The following PPP2R2B variants were observed in gnomAD, a reference collection of about 807,000 sequenced individuals.
PPP2R2B encodes serine/threonine-protein phosphatase 2A 55 kDa regulatory subunit B beta isoform.
A neutral mutation model predicts 46.0 loss-of-function variants in PPP2R2B; 5 were observed. The ratio of observed to expected loss-of-function variants is 0.11; its 90% CI spans 0.06 to 0.23. The LOEUF (loss-of-function observed/expected upper bound fraction) is 0.23. Among genes scored for constraint, PPP2R2B ranks in the 10% least tolerant of loss-of-function variants. The pLI, the probability that PPP2R2B is intolerant of heterozygous loss-of-function variation, is 1.00. For missense variants in PPP2R2B, 367 were observed against 575.0 expected, an observed-to-expected ratio of 0.64 and a Z score of 3.70; for synonymous variants, 215 against 206.7, an observed-to-expected ratio of 1.04 and a Z score of -0.34.
chr5:147,005,415 A>T (rs896048505), intron 1 of PPP2R2B, among the ~76,000 whole-genome samples: 3 of 152,252 alleles, frequency 2.0e-5, no homozygotes, highest in African/African-American at 7.2e-5. Context: ...ATAAATGTGT[A>T]TACAGATAGC....
chr5:146,998,447 T>C (rs1754018491), intron 1 of PPP2R2B, among the ~76,000 whole-genome samples: 1 of 152,214 alleles, frequency 6.6e-6, no homozygotes, highest in African/African-American at 2.4e-5. Context: ...TCAGTCTGTG[T>C]CTGTTCTGTT....
intron 7 of PPP2R2B, among the ~76,000 whole-genome samples, chr5:146,623,514 T>G (rs897713642): frequency 2.6e-5 from 4 of 152,270 alleles, no homozygotes; most frequent in Non-Finnish European, 4.4e-5. Flanking sequence ...ATTGCTTTGT[T>G]TGATTTCAGT....
intron 1 of PPP2R2B, among the ~76,000 whole-genome samples, chr5:146,917,234 T>C (rs1302576326): frequency 6.6e-6 from 1 of 152,244 alleles, no homozygotes; most frequent in African/African-American, 2.4e-5. Flanking sequence ...ACACCCTGCC[T>C]GCACAGGCTG....
intron 2 of PPP2R2B, among the ~76,000 whole-genome samples, chr5:146,865,498 T>C (rs1210818772): frequency 1.3e-5 from 2 of 152,210 alleles, no homozygotes; most frequent in East Asian, 3.8e-4. Flanking sequence ...ACAGGTTTCA[T>C]ATTCATATTC....
intron 1 of PPP2R2B, among the ~76,000 whole-genome samples, chr5:147,003,163 G>T (rs1462748986): frequency 6.6e-6 from 1 of 152,098 alleles, no homozygotes; most frequent in Non-Finnish European, 1.5e-5. Flanking sequence ...ACTATGCAAA[G>T]CTTGCAATTT....
chr5:146,813,866 G>A (rs1300921352), intron 2 of PPP2R2B, among the ~76,000 whole-genome samples: 1 of 152,198 alleles, frequency 6.6e-6, no homozygotes, highest in Non-Finnish European at 1.5e-5. Context: ...GACAGAAACG[G>A]AGAGAGCAAG....
At chr5:146,798,968 T>C (rs1756702985) in intron 2 of PPP2R2B, among the ~76,000 whole-genome samples, 1 of 152,186 alleles carries the variant, frequency 6.6e-6, no homozygotes, top group African/African-American at 2.4e-5. Context: ...ACTTTGAGAA[T>C]TTATAAAACC....
intron 2 of PPP2R2B, among the ~76,000 whole-genome samples, chr5:146,766,859 G>T (rs556472359): frequency 1.3e-5 from 2 of 152,086 alleles, no homozygotes; most frequent in East Asian, 3.9e-4. Context: ...TTCAAGACCA[G>T]CCTGGCCAAT....
intron 2 of PPP2R2B, among the ~76,000 whole-genome samples, chr5:146,864,825 T>C (rs319229): frequency 0.22 from 33,332 of 152,094 alleles, 4,898 homozygotes; most frequent in African/African-American, 0.39. Flanking sequence ...CACATAAGTT[T>C]CCTAGGATAA....
At chr5:146,922,273 G>A (rs191002506) in intron 1 of PPP2R2B, 12 of 152,280 alleles carry the variant, frequency 7.9e-5, no homozygotes, top group African/African-American at 2.9e-4. Flanking sequence ...AAGTGTGCAT[G>A]ATATCAAGGA....
At chr5:146,941,043 AT>A (rs1420306102) in intron 1 of PPP2R2B, among the ~76,000 whole-genome samples, 1 of 152,170 alleles carries the variant, frequency 6.6e-6, no homozygotes, top group Non-Finnish European at 1.5e-5. Context: ...ACCTAGCACA[AT>A]CAGAAGGAAT....
At chr5:146,738,699 A>G (rs959361442) in intron 2 of PPP2R2B, among the ~76,000 whole-genome samples, 3 of 152,170 alleles carry the variant, frequency 2.0e-5, no homozygotes, top group African/African-American at 7.2e-5. Context: ...TCATGGGCAG[A>G]GAGCACCTTG....
At position 146,939,124 on chromosome 5, in the gene PPP2R2B, C is replaced by A. The variant is rs533295340; in HGVS notation, c.79+116541G>T. On this transcript the variant is annotated intron_variant, in intron 1 of 8. Coordinates refer to the PPP2R2B transcript ENST00000336640. ...TTATGAAGTAGGCTCCTGAATCTTT[C>A]CTGTCTCATCAATGAGTCTGTCCAG... Among the ~76,000 whole-genome samples, 120 of 152,198 alleles carry A rather than the reference C, an allele frequency of 7.9e-4. 2 individuals are homozygous for A. Among genetic ancestry groups the A allele is most frequent in the African/African-American group, 2.8e-3 (116 of 41,522 alleles).
chr5:147,027,429 T>G (rs1195186001), intron 1 of PPP2R2B, among the ~76,000 whole-genome samples: 2 of 152,020 alleles, frequency 1.3e-5, no homozygotes, highest in African/African-American at 4.8e-5. Flanking sequence ...GGTCAGGAGA[T>G]CGAGACCATC....
At chr5:146,665,428 A>G (rs1319856254) in intron 5 of PPP2R2B, among the ~76,000 whole-genome samples, 1 of 152,162 alleles carries the variant, frequency 6.6e-6, no homozygotes, top group Non-Finnish European at 1.5e-5. Flanking sequence ...CAAATTTTTT[A>G]TTCTGCAGCT....
intron 1 of PPP2R2B, among the ~76,000 whole-genome samples, chr5:146,996,598 G>A (rs896854383): frequency 2.0e-5 from 3 of 152,128 alleles, no homozygotes; most frequent in Non-Finnish European, 4.4e-5. Context: ...AATGATTTCA[G>A]TAGGGCCAGA....
At chr5:147,042,457 G>C (rs1393148105) in intron 1 of PPP2R2B, among the ~76,000 whole-genome samples, 1 of 152,066 alleles carries the variant, frequency 6.6e-6, no homozygotes, top group Non-Finnish European at 1.5e-5. Flanking sequence ...TGGTTACTGA[G>C]TACAAATCTT....
chr5:146,952,873 A>T (rs1396187653), intron 1 of PPP2R2B, among the ~76,000 whole-genome samples: 1 of 152,156 alleles, frequency 6.6e-6, no homozygotes, highest in Non-Finnish European at 1.5e-5. Flanking sequence ...CTGGATGGTT[A>T]TCCACTTCAG....
intron 1 of PPP2R2B, among the ~76,000 whole-genome samples, chr5:146,953,798 T>A (rs775089960): frequency 5.9e-5 from 9 of 152,192 alleles, no homozygotes; most frequent in Non-Finnish European, 8.8e-5. Flanking sequence ...GACTATCGGC[T>A]ACTGAGGATG....
Sources: gnomAD v4.1 joint callset for allele counts (sites outside exome capture counted in the v4.1 genomes callset) on GRCh38, gnomAD v4.1.1 for gene constraint, MANE v1.5 for transcripts, NCBI Gene and HGNC (gene_info 2026-07-23, HGNC 2026-07-21) for gene names.